Variants in PAGE1 observed in about 807,000 individuals in gnomAD.
The protein encoded by PAGE1 is P antigen family member 1.
A neutral mutation model predicts 11.5 loss-of-function variants in PAGE1; 6 were observed. That is an observed-to-expected ratio of 0.52 (90% CI 0.29 to 1.03). PAGE1 has a LOEUF of 1.03. Ranked by LOEUF, PAGE1 falls within the 50% of genes least tolerant of loss-of-function variation. PAGE1 has a pLI of 0.09. For synonymous variants in PAGE1, 42 were observed against 40.2 expected, an observed-to-expected ratio of 1.05 and a Z score of -0.17; for missense variants, 120 against 110.2, an observed-to-expected ratio of 1.09 and a Z score of -0.40.
At chrX:49,689,697 C>CAT (rs1186146924) in intron 4 of PAGE1, among the ~76,000 whole-genome samples, 154 bp from the exon 5 acceptor site, 1 of 52,504 alleles carries the variant, frequency 1.9e-5, no homozygotes, top group African/African-American at 7.3e-5. Context: ...TATATATACA[C>CAT]ATATATATGT....
At chrX:49,695,036 C>T (rs1557142698) in intron 1 of PAGE1, among the ~76,000 whole-genome samples, 1 of 112,512 alleles carries the variant, frequency 8.9e-6, no homozygotes, top group African/African-American at 3.2e-5. Flanking sequence ...GACACAGAAT[C>T]TCGCTCTGTT....
In PAGE1 at chrX:49,689,424, C is replaced by T; in HGVS notation, c.412G>A (p.Glu138Lys). Residue 138 changes from glutamate (E) to lysine (K), a missense_variant, in exon 5 of 6, where the codon GAG becomes AAG. Transcript: ENST00000376150. ...LPNPEEVKTP[E>K]EDEGQSQP is the part of the protein sequence containing the mutation. ...TGCCTAATGGATTGCCTACCTTCCT[C>T]AGGTGTTTTCACCTCCTCTGGATTT... 1 of 1,107,123 alleles carries T rather than the reference C, an allele frequency of 9.0e-7. No individual in the cohort carries two copies. The highest frequency in any genetic ancestry group is 1.2e-6 in the Non-Finnish European group (1 of 834,714). 91.2% of individuals were successfully genotyped at this position (1,107,123 alleles called of 1,213,427 possible).
At chrX:49,690,010 T>C (rs1241524230) in intron 4 of PAGE1, among the ~76,000 whole-genome samples, 1 of 67,168 alleles carries the variant, frequency 1.5e-5, no homozygotes, top group Non-Finnish European at 2.7e-5. Context: ...TGTGTATATA[T>C]ATGTGTGTAT....
intron 2 of PAGE1, 68 bp from the exon 3 acceptor site, chrX:49,694,269 AATAT>A (rs1411657152): frequency 5.0e-5 from 28 of 554,697 alleles, no homozygotes; most frequent in Non-Finnish European, 7.9e-5. Flanking sequence ...CATGTCAAAA[AATAT>A]ATACGTATAC....
chrX:49,692,183 G>A (rs782630715), intron 3 of PAGE1, among the ~76,000 whole-genome samples: 9 of 111,026 alleles, frequency 8.1e-5, no homozygotes, highest in African/African-American at 2.9e-4. Context: ...AAAATTATCT[G>A]GATAACTGGC....
intron 4 of PAGE1, among the ~76,000 whole-genome samples, chrX:49,690,622 G>T (rs2066916660): frequency 9.0e-6 from 1 of 111,541 alleles, no homozygotes; most frequent in Non-Finnish European, 1.9e-5. Flanking sequence ...GAATGACAAA[G>T]AAAAATTAAG....
Position 49,689,442 on chromosome X carries a change from C to A in PAGE1, c.394G>T (p.Glu132Ter). 1.8e-6 allele frequency: 2 copies of A among 1,090,474 alleles called. No homozygotes were observed. Among genetic ancestry groups the A allele is most frequent in the Non-Finnish European group, 1.2e-6 (1 of 826,437 alleles). The allele number at this position is 1,090,474 out of a possible 1,213,427, so 89.9% of individuals were successfully genotyped here. ...DVQELGLPNP[E>*]EVKTPEEDEG... ...CCTTCCTCAGGTGTTTTCACCTCCT[C>A]TGGATTTGGCAGGCCCAACTCCTGG... The change falls in exon 5 of 6, where the codon GAG becomes TAG. Residue 132 changes from glutamate to a stop codon, truncating the protein, a stop_gained. Transcript: ENST00000376150. LOFTEE classifies it high-confidence loss of function.
intron 4 of PAGE1, 33 bp from the exon 5 acceptor site, chrX:49,689,576 ATATATATATATATATATAT>A (rs1368198379): frequency 1.7e-4 from 2 of 11,453 alleles, no homozygotes; most frequent in Non-Finnish European, 3.1e-4. Context: ...AAAAAAAAAA[ATATATATATATATATATAT>A]ATATATATAT....
At chrX:49,691,655 T>C (rs961980351) in intron 3 of PAGE1, among the ~76,000 whole-genome samples, 1 of 111,554 alleles carries the variant, frequency 9.0e-6, no homozygotes, top group African/African-American at 3.3e-5. Context: ...TTGTCCTTAT[T>C]ATATTAAATG....
intron 4 of PAGE1, among the ~76,000 whole-genome samples, chrX:49,690,141 A>ATGTGTATATATACACATATATATG: frequency 1.1e-5 from 1 of 87,493 alleles, no homozygotes; most frequent in Non-Finnish European, 2.2e-5. Flanking sequence ...ACACATATAT[A>ATGTGTATATATACACATATATATG]TGTGTATATA....
intron 3 of PAGE1, among the ~76,000 whole-genome samples, chrX:49,691,889 C>T (rs1378793015): frequency 8.9e-6 from 1 of 112,121 alleles, no homozygotes; most frequent in African/African-American, 3.2e-5. Context: ...GGAATCCCAG[C>T]ACTTTGGGAG....
chrX:49,693,846 A>G (rs1236209694), intron 3 of PAGE1, among the ~76,000 whole-genome samples: 2 of 111,402 alleles, frequency 1.8e-5, no homozygotes, highest in African/African-American at 6.5e-5. Flanking sequence ...TGGACAAAAC[A>G]CAATCCCCGG....
intron 5 of PAGE1, among the ~76,000 whole-genome samples, chrX:49,688,694 G>C (rs184779307): frequency 5.4e-5 from 6 of 111,856 alleles, no homozygotes; most frequent in African/African-American, 1.6e-4. Flanking sequence ...ATTTTTATAA[G>C]ACCAAAGATA....
At chrX:49,690,091 G>GTCTATATGTGTATATATACACA (rs2066913427) in intron 4 of PAGE1, among the ~76,000 whole-genome samples, 1 of 51,671 alleles carries the variant, frequency 1.9e-5, no homozygotes, top group Admixed American at 2.3e-4. Context: ...GTATATATGT[G>GTCTATATGTGTATATATACACA]TATATATGTG....
intron 4 of PAGE1, among the ~76,000 whole-genome samples, chrX:49,689,755 T>A (rs1428609208): frequency 3.1e-5 from 2 of 65,204 alleles, no homozygotes; most frequent in African/African-American, 1.2e-4. Flanking sequence ...TATATGTGTA[T>A]ATATACATAT....
At chrX:49,692,425 G>A (rs2066923730) in intron 3 of PAGE1, among the ~76,000 whole-genome samples, 1 of 111,388 alleles carries the variant, frequency 9.0e-6, no homozygotes, top group Non-Finnish European at 1.9e-5. Flanking sequence ...GTGAGTGTGT[G>A]GGCAGCAGGG....
rs782719399 is a variant in PAGE1, at chrX:49,691,750, T to C, written c.167-376A>G. Reference sequence around the variant, plus strand: ...TATGGCATGAGTAGGCACCAATAAATGGTGAGTGAAAAAACAGTCTTTAGA... The same window carrying C: ...TATGGCATGAGTAGGCACCAATAAACGGTGAGTGAAAAAACAGTCTTTAGA... On this transcript the variant is annotated intron_variant, in intron 3 of 5. Transcript: ENST00000376150. Among the ~76,000 whole-genome samples, 449 of 111,804 alleles carry C rather than the reference T, an allele frequency of 4.0e-3. 3 individuals are homozygous for C. The highest frequency in any genetic ancestry group is 0.014 in the African/African-American group (426 of 30,840).
At chrX:49,691,050 C>T (rs1485565721) in intron 4 of PAGE1, among the ~76,000 whole-genome samples, 199 bp downstream of exon 4, 4 of 111,035 alleles carry the variant, frequency 3.6e-5, no homozygotes, top group Non-Finnish European at 7.6e-5. Context: ...TGGTGGCATA[C>T]GCCTGTAATC....
At chrX:49,692,157 AT>A (rs2066922905) in intron 3 of PAGE1, among the ~76,000 whole-genome samples, 1 of 110,531 alleles carries the variant, frequency 9.0e-6, no homozygotes, top group African/African-American at 3.3e-5. Flanking sequence ...AAAAAAAAAA[AT>A]AAGAAAGAAA....
Sources: gnomAD v4.1 joint callset for allele counts (sites outside exome capture counted in the v4.1 genomes callset) on GRCh38, gnomAD v4.1.1 for gene constraint, MANE v1.5 for transcripts, NCBI Gene and HGNC (gene_info 2026-07-23, HGNC 2026-07-21) for gene names.